Variants in FOXJ2 observed in about 807,000 individuals in gnomAD.
FOXJ2 encodes forkhead box protein J2.
FOXJ2 carries 18 observed loss-of-function variants against 68.4 expected under a neutral mutation model. The observed-to-expected ratio is 0.26, with a 90% CI of 0.18 to 0.39. The LOEUF (loss-of-function observed/expected upper bound fraction) is 0.39, where lower values mean the gene tolerates loss of function less well. Among genes scored for constraint, FOXJ2 ranks in the 10% least tolerant of loss-of-function variants. FOXJ2 has a pLI of 1.00. For synonymous variants in FOXJ2, 274 were observed against 263.2 expected (o/e 1.04, Z -0.40); for missense variants, 670 against 726.5 (o/e 0.92, Z 0.89).
chr12:8,040,109 T>C lies in FOXJ2; in HGVS notation c.277T>C (p.Tyr93His). 6.2e-7 allele frequency: 1 copy of C among 1,614,204 alleles called. No individual in the cohort carries two copies. The highest frequency in any genetic ancestry group is 8.5e-7 in the Non-Finnish European group (1 of 1,180,034). Residue 93 changes from tyrosine to histidine, a missense_variant, in exon 2 of 11, where the codon TAC (tyrosine) becomes CAC (histidine). Coordinates refer to ENST00000162391, the MANE Select transcript of FOXJ2 (RefSeq NM_018416.3). The surrounding 1 kb of genome is among the most constrained non-coding windows in gnomAD (Gnocchi z 4.0). ...PAKKMTLSEI[Y>H]RWICDNFPYY... ...CAAGAAGATGACCCTCAGCGAGATT[T>C]ACCGCTGGATCTGTGATAACTTCCC...
At chr12:8,043,160 T>C (rs767556889) in intron 3 of FOXJ2, among the ~76,000 whole-genome samples, 15 of 134,154 alleles carry the variant, frequency 1.1e-4, no homozygotes, top group Middle Eastern at 0.01. Context: ...GAGGTTGCAG[T>C]GAGCTGAGAT....
Position 8,040,298 on chromosome 12 carries a change from A to T in FOXJ2, c.333+133A>T, listed in dbSNP as rs114219114. Reference sequence around the variant, plus strand: ...CAGAGATGTGAAAACTTAAAATCTCATATGTTCTGCCCTCTACTTTTTTTT... The same window carrying T: ...CAGAGATGTGAAAACTTAAAATCTCTTATGTTCTGCCCTCTACTTTTTTTT... On this transcript the variant is annotated intron_variant, in intron 2 of 10. Transcript: ENST00000162391. This position sits in a 1 kb window ranked among gnomAD's most constrained non-coding sequence, Gnocchi z 4.0. The T allele has an allele frequency of 2.0e-3, 1,841 of 934,882 alleles. 18 individuals carry two copies. In the African/African-American group the frequency reaches 0.024, roughly 12 times the overall value. 57.9% of individuals were successfully genotyped at this position (934,882 alleles called of 1,614,324 possible). A position where few individuals can be genotyped will look rare whatever the true frequency, so the allele number is the denominator to read the frequency against.
Position 8,033,501 on chromosome 12 carries a change from T to C in FOXJ2, c.-347T>C, listed in dbSNP as rs1464434614. ...AGCCCTCCACCTCAGAAAGATCCAGTTTGGGGGGGAGGGGAACTCCCCCAA... is the reference window on the plus strand; with the variant it reads ...AGCCCTCCACCTCAGAAAGATCCAGCTTGGGGGGGAGGGGAACTCCCCCAA... On this transcript the variant is annotated 5_prime_UTR_variant, in exon 1 of 11. Transcript: ENST00000162391. 6.5e-6 allele frequency: 1 copy of C among 152,758 alleles called. No individual in the cohort carries two copies. The highest frequency in any genetic ancestry group is 2.4e-5 in the African/African-American group (1 of 41,426). 9.5% of individuals were successfully genotyped at this position (152,758 alleles called of 1,614,324 possible).
chr12:8,047,818 G>A, intron 6 of FOXJ2, 64 bp from the exon 7 acceptor site: 1 of 1,521,700 alleles, frequency 6.6e-7, no homozygotes, highest in South Asian at 1.3e-5. Flanking sequence ...TCAACCCAGG[G>A]AAAATCCCAT....
intron 10 of FOXJ2, among the ~76,000 whole-genome samples, chr12:8,051,074 CTT>C (rs1947118507): frequency 7.7e-6 from 1 of 129,648 alleles, no homozygotes; most frequent in Admixed American, 7.8e-5. Context: ...TTCCCCTTCC[CTT>C]CCATTCCCTT....
At chr12:8,036,733 C>T (rs11057000) in intron 1 of FOXJ2, among the ~76,000 whole-genome samples, 4,447 of 152,272 alleles carry the variant, frequency 0.029, 177 homozygotes, top group East Asian at 0.13. Context: ...CCTCCAGGGA[C>T]GATGCTTTGG....
At position 8,047,904 on chromosome 12, in the gene FOXJ2, C is replaced by T; in HGVS notation, c.840C>T (p.Asp280=). 1 of 1,598,160 alleles carries T rather than the reference C, an allele frequency of 6.3e-7. No homozygotes were observed. Among genetic ancestry groups the T allele is most frequent in the Non-Finnish European group, 8.6e-7 (1 of 1,168,784 alleles). Residue 280 remains aspartate, a synonymous_variant, in exon 7 of 11, where the codon GAC becomes GAT. Coordinates refer to ENST00000162391, the MANE Select transcript of FOXJ2 (RefSeq NM_018416.3). ...SQHGFSSLLG[D]IPPSNNYYMY... is the part of the protein sequence containing the mutation. ...CAGGCTTTTCTTCTCTCCTGGGGGA[C>T]ATCCCACCCTCGAACAACTACTACA...
chr12:8,041,049 G>A (rs572516304), intron 2 of FOXJ2, among the ~76,000 whole-genome samples: 8 of 152,258 alleles, frequency 5.3e-5, no homozygotes, highest in South Asian at 2.1e-4. Context: ...AGGCTGATAG[G>A]CTCAATTTTT....
intron 6 of FOXJ2, among the ~76,000 whole-genome samples, chr12:8,045,271 T>G (rs1032166433): frequency 1.3e-5 from 2 of 149,872 alleles, no homozygotes; most frequent in African/African-American, 4.9e-5. Flanking sequence ...CAGGCTGGAG[T>G]GCAGTGGCGC....
At chr12:8,034,866 G>A (rs761446339) in intron 1 of FOXJ2, among the ~76,000 whole-genome samples, 2 of 152,308 alleles carry the variant, frequency 1.3e-5, no homozygotes, top group Admixed American at 1.3e-4. Flanking sequence ...GCAGGAAAAG[G>A]GTACCAGGAA....
rs1947002944 is a variant in FOXJ2, at chr12:8,044,030, C to G, written c.557C>G (p.Pro186Arg). The G allele has an allele frequency of 1.3e-6, 2 of 1,587,212 alleles. No individual in the cohort carries two copies. The highest frequency in any genetic ancestry group is 2.7e-5 in the African/African-American group (2 of 73,620). The change falls in exon 5 of 11, where the codon CCT becomes CGT. Residue 186 changes from proline to arginine, a missense_variant. Physicochemically the swap from Pro to Arg is moderately radical, Grantham distance 103. This residue lies in a region of FOXJ2 where 555 missense variants were observed against 562.2 expected (regional missense o/e 0.99). Coordinates refer to ENST00000162391, the MANE Select transcript of FOXJ2 (RefSeq NM_018416.3). ...GVAGSGEASL[P>R]PEGNPQMSLQ... is the part of the protein sequence containing the mutation. ...GCAGGGAGTGGAGAAGCCTCACTGC[C>G]TCCTGAGGGGAATCCGCAGATGTCA...
intron 10 of FOXJ2, among the ~76,000 whole-genome samples, chr12:8,051,975 T>G (rs1947131678): frequency 6.6e-6 from 1 of 151,384 alleles, no homozygotes; most frequent in South Asian, 2.1e-4. Flanking sequence ...TTCAAGTGAT[T>G]CTCGAGCCTC....
chr12:8,039,073 T>C (rs1020269305), intron 1 of FOXJ2, among the ~76,000 whole-genome samples: 1 of 152,122 alleles, frequency 6.6e-6, no homozygotes, highest in African/African-American at 2.4e-5. Context: ...GCTTAAAAAG[T>C]GTGAGGGCAG....
At chr12:8,047,381 G>A (rs1402386270) in intron 6 of FOXJ2, among the ~76,000 whole-genome samples, 2 of 152,192 alleles carry the variant, frequency 1.3e-5, no homozygotes, top group South Asian at 2.1e-4. Flanking sequence ...CCTGGGAGGC[G>A]GAGGTTGCGG....
At position 8,054,432 on chromosome 12, in the gene FOXJ2, T is replaced by C. The variant is rs1200026289; in HGVS notation, c.*1582T>C. 6.6e-6 allele frequency: 1 copy of C among 152,330 alleles called. No individual in the cohort carries two copies. Among genetic ancestry groups the C allele is most frequent in the Non-Finnish European group, 1.5e-5 (1 of 68,036 alleles). The allele number at this position is 152,330 out of a possible 1,614,324, so 9.4% of individuals were successfully genotyped here. ...CTTTCTTTGTGATTTCTGCTTTTCA[T>C]GCATATTATTTTATTTACCCATAAT... is the stretch of plus-strand genomic sequence containing the variant. On this transcript the variant is annotated 3_prime_UTR_variant, in exon 11 of 11. Coordinates refer to ENST00000162391, the MANE Select transcript of FOXJ2 (RefSeq NM_018416.3).
Position 8,049,471 on chromosome 12 carries a change from C to T in FOXJ2, c.1437C>T (p.His479=), listed in dbSNP as rs753881616. The change falls in exon 9 of 11, where the codon CAC becomes CAT. Residue 479 remains histidine, a synonymous_variant. Transcript: ENST00000162391. ...ACCACTTCCTTACTCAGACTGGTCA[C>T]GTGCCCCCTCAAGGGGGTACCCACC... The part of the protein sequence containing the change: ...SLNHFLTQTG[H]VPPQGGTHRP... The T allele has an allele frequency of 2.7e-5, 43 of 1,614,050 alleles. No homozygotes were observed. The African/African-American group carries it at 4.0e-4, about 15-fold the overall frequency.
rs1343464052 is a variant in FOXJ2, at chr12:8,048,396, A to G, written c.1225+107A>G. On this transcript the variant is annotated intron_variant, in intron 7 of 10. Coordinates refer to ENST00000162391, the MANE Select transcript of FOXJ2 (RefSeq NM_018416.3). ...TTAGGAAGTTAATGATGGGTCTTTT[A>G]GGCTTCGCTCCTTCATGTGAGCTAA... 8 of 1,476,884 alleles carry G rather than the reference A, an allele frequency of 5.4e-6. No homozygotes were observed. In the African/African-American group the frequency reaches 1.1e-4, roughly 21 times the overall value. 91.5% of individuals were successfully genotyped at this position (1,476,884 alleles called of 1,614,324 possible).
In FOXJ2 at chr12:8,047,958, T is replaced by A; in HGVS notation, c.894T>A (p.Pro298=). The A allele has an allele frequency of 6.2e-7, 1 of 1,612,878 alleles. No individual in the cohort carries two copies. Among genetic ancestry groups the A allele is most frequent in the South Asian group, 1.1e-5 (1 of 90,980 alleles). The stretch of plus-strand genomic sequence containing the variant: ...ATCAGCAGCAGCAGCCACCGCCACC[T>A]CAACAGCAGCAGCAGCAGCAGCAGC... ...YMYQQQQPPP[P]QQQQQQQQPP... is the part of the protein sequence containing the mutation. The change falls in exon 7 of 11, where the codon CCT becomes CCA. Residue 298 remains proline (P), a synonymous_variant. Coordinates refer to ENST00000162391, the MANE Select transcript of FOXJ2 (RefSeq NM_018416.3).
At chr12:8,043,557 C>A (rs1201067009) in intron 3 of FOXJ2, 144 bp from the exon 4 acceptor site, 1 of 767,118 alleles carries the variant, frequency 1.3e-6, no homozygotes, top group Non-Finnish European at 2.2e-6. Flanking sequence ...CCAAAACAAT[C>A]GAGGCCTGTG....
Sources: allele counts gnomAD v4.1 joint callset (sites outside exome capture counted in the v4.1 genomes callset), GRCh38; gene constraint gnomAD v4.1.1; regional missense constraint gnomAD v4.1.1; non-coding constraint Gnocchi (gnomAD v3.1); transcripts MANE v1.5; gene names NCBI Gene and HGNC (gene_info 2026-07-23, HGNC 2026-07-21).